Variants in CSMD3 observed in about 807,000 individuals in gnomAD.
The protein encoded by CSMD3 is CUB and sushi domain-containing protein 3.
A neutral mutation model predicts 435.2 loss-of-function variants in CSMD3; 177 were observed. That is an observed-to-expected ratio of 0.41 (90% CI 0.36 to 0.46). The LOEUF (loss-of-function observed/expected upper bound fraction) is 0.46, where lower values mean the gene tolerates loss of function less well. Among genes scored for constraint, CSMD3 ranks in the 20% least tolerant of loss-of-function variants. The probability of loss-of-function intolerance (pLI) is 0.34; values close to 1 mark genes in which losing one functional copy is unlikely to be tolerated. For synonymous variants in CSMD3, 1,656 were observed against 1,520.5 expected, an observed-to-expected ratio of 1.09 and a Z score of -2.07; for missense variants, 4,265 against 4,504.6, an observed-to-expected ratio of 0.95 and a Z score of 1.52.
chr8:113,376,299 T>C (rs1411942190), intron 1 of CSMD3, among the ~76,000 whole-genome samples: 1 of 152,178 alleles, frequency 6.6e-6, no homozygotes, highest in Non-Finnish European at 1.5e-5. Flanking sequence ...ATTTTTTCTT[T>C]AATATGAAAT....
intron 13 of CSMD3, among the ~76,000 whole-genome samples, chr8:112,699,117 G>A (rs564300140): frequency 6.7e-4 from 102 of 152,176 alleles, no homozygotes; most frequent in Admixed American, 2.4e-3. Context: ...GCAGCAACCC[G>A]CTCGCGTCCC....
intron 1 of CSMD3, among the ~76,000 whole-genome samples, chr8:113,323,309 T>C (rs1186810146): frequency 6.6e-6 from 1 of 152,162 alleles, no homozygotes; most frequent in African/African-American, 2.4e-5. Flanking sequence ...AAAGAATGAA[T>C]AGATAAACAG....
chr8:113,016,214 G>A (rs2086451917), intron 6 of CSMD3, among the ~76,000 whole-genome samples: 1 of 151,706 alleles, frequency 6.6e-6, no homozygotes, highest in African/African-American at 2.4e-5. Flanking sequence ...GAGTGAGAAT[G>A]TATTTTACGT....
chr8:112,288,071 T>C (rs998471480), intron 57 of CSMD3, among the ~76,000 whole-genome samples: 9 of 151,764 alleles, frequency 5.9e-5, no homozygotes, highest in African/African-American at 2.2e-4. Flanking sequence ...AATATAAGCA[T>C]TGAAAATGTT....
intron 6 of CSMD3, among the ~76,000 whole-genome samples, chr8:113,012,593 C>T (rs909509450): frequency 2.0e-5 from 3 of 151,930 alleles, no homozygotes; most frequent in Admixed American, 6.6e-5. Flanking sequence ...GTAATTTTTT[C>T]GGCACTCACA....
At chr8:113,282,441 G>A (rs2093619597) in intron 2 of CSMD3, among the ~76,000 whole-genome samples, 1 of 151,848 alleles carries the variant, frequency 6.6e-6, no homozygotes, top group Admixed American at 6.6e-5. Flanking sequence ...CACCAACAGT[G>A]ACCAAGTGGA....
intron 2 of CSMD3, among the ~76,000 whole-genome samples, chr8:113,293,136 T>G (rs959378631): frequency 8.6e-5 from 13 of 151,636 alleles, no homozygotes; most frequent in African/African-American, 2.9e-4. Flanking sequence ...GTAATATAGT[T>G]CTGAACATTA....
At chr8:112,361,655 T>G (rs1015128863) in intron 38 of CSMD3, among the ~76,000 whole-genome samples, 48 of 139,782 alleles carry the variant, frequency 3.4e-4, no homozygotes, top group African/African-American at 1.2e-3. Flanking sequence ...AAATGAGTGA[T>G]TAACGCATTG....
chr8:113,415,709 C>T (rs2094578984), intron 1 of CSMD3, among the ~76,000 whole-genome samples: 1 of 152,026 alleles, frequency 6.6e-6, no homozygotes, highest in South Asian at 2.1e-4. Flanking sequence ...ACAGAATGAT[C>T]CCTAATTCTC....
chr8:113,035,867 C>A (rs1426816034), intron 5 of CSMD3, among the ~76,000 whole-genome samples: 1 of 151,896 alleles, frequency 6.6e-6, no homozygotes, highest in Non-Finnish European at 1.5e-5. Context: ...TAGAAATGTA[C>A]ATGCAAACTA....
chr8:112,841,012 C>T (rs2080164472), intron 11 of CSMD3, among the ~76,000 whole-genome samples: 1 of 151,490 alleles, frequency 6.6e-6, no homozygotes, highest in Non-Finnish European at 1.5e-5. Context: ...ATAAAGTCTT[C>T]AAACACTCAT....
chr8:113,342,058 C>T (rs1471249016), intron 1 of CSMD3, among the ~76,000 whole-genome samples: 1 of 151,444 alleles, frequency 6.6e-6, no homozygotes, highest in Non-Finnish European at 1.5e-5. Flanking sequence ...CAAAATATTA[C>T]CAGTTGCTTT....
intron 3 of CSMD3, among the ~76,000 whole-genome samples, chr8:113,215,956 T>C (rs1182663715): frequency 6.6e-6 from 1 of 151,794 alleles, no homozygotes; most frequent in Non-Finnish European, 1.5e-5. Flanking sequence ...AACTTCCAAA[T>C]ATCTTTTGGC....
intron 4 of CSMD3, among the ~76,000 whole-genome samples, chr8:113,134,521 C>G (rs1198751948): frequency 6.6e-6 from 1 of 151,964 alleles, no homozygotes; most frequent in Non-Finnish European, 1.5e-5. Flanking sequence ...AACACAGTCA[C>G]TCATTTATAA....
chr8:112,900,218 G>C (rs1291572565), intron 10 of CSMD3, among the ~76,000 whole-genome samples: 1 of 151,152 alleles, frequency 6.6e-6, no homozygotes, highest in Non-Finnish European at 1.5e-5. Context: ...AAGCTCTTGG[G>C]AGACAATTCT....
intron 23 of CSMD3, among the ~76,000 whole-genome samples, chr8:112,580,699 TTTGCAGTTG>T (rs923188193): frequency 1.3e-5 from 2 of 151,990 alleles, no homozygotes; most frequent in African/African-American, 4.8e-5. Flanking sequence ...GCAAAGAGGT[TTTGCAGTTG>T]GGATAACTAG....
chr8:113,320,228 C>A (rs1174143926), intron 1 of CSMD3, among the ~76,000 whole-genome samples: 1 of 151,982 alleles, frequency 6.6e-6, no homozygotes, highest in Non-Finnish European at 1.5e-5. Context: ...TCGTGTTTTA[C>A]AATTTCTAAA....
Position 112,682,425 on chromosome 8 carries a change from C to T in CSMD3, c.2677+17G>A. On this transcript the variant is annotated intron_variant, in intron 16 of 70. Coordinates refer to ENST00000297405, the MANE Select transcript of CSMD3 (RefSeq NM_198123.2). ...AATGATGATGAGGTTCTATTTCTCACTCACTACTACACTTACCTCCACATT... is the reference window on the plus strand; with the variant it reads ...AATGATGATGAGGTTCTATTTCTCATTCACTACTACACTTACCTCCACATT... 6.3e-7 allele frequency: 1 copy of T among 1,595,622 alleles called. No homozygotes were observed. The highest frequency in any genetic ancestry group is 8.6e-7 in the Non-Finnish European group (1 of 1,164,994).
intron 13 of CSMD3, among the ~76,000 whole-genome samples, chr8:112,797,810 G>T (rs2078863653): frequency 6.6e-6 from 1 of 151,710 alleles, no homozygotes; most frequent in Non-Finnish European, 1.5e-5. Flanking sequence ...AAATTATGTA[G>T]AATGCAAAAA....
Sources: allele counts gnomAD v4.1 joint callset (sites outside exome capture counted in the v4.1 genomes callset), GRCh38; gene constraint gnomAD v4.1.1; transcripts MANE v1.5; gene names NCBI Gene and HGNC (gene_info 2026-07-23, HGNC 2026-07-21).